Variants in SYNE2 observed in about 807,000 individuals in gnomAD.
SYNE2 encodes spectrin repeat containing nuclear envelope protein 2.
In SYNE2, 431 loss-of-function variants were observed where a neutral mutation model predicts 856.3. The ratio of observed to expected loss-of-function variants is 0.50; its 90% CI spans 0.47 to 0.55. The LOEUF (loss-of-function observed/expected upper bound fraction) is 0.55. SYNE2 is among the 20% of genes least tolerant of loss of function. The probability of loss-of-function intolerance (pLI) is 0.00; values close to 1 mark genes in which losing one functional copy is unlikely to be tolerated. For synonymous variants in SYNE2, 2,923 were observed against 2,872.3 expected (o/e 1.02, Z -0.56); for missense variants, 8,129 against 8,023.2 (o/e 1.01, Z -0.50).
chr14:64,042,897 G>C (rs1393523329), intron 45 of SYNE2, among the ~76,000 whole-genome samples: 1 of 152,206 alleles, frequency 6.6e-6, no homozygotes, highest in East Asian at 1.9e-4. Context: ...TAGGAACTGG[G>C]TAACAGGTAG....
chr14:63,919,652 C>G (rs2095573355), intron 2 of SYNE2, among the ~76,000 whole-genome samples: 1 of 151,962 alleles, frequency 6.6e-6, no homozygotes, highest in South Asian at 2.1e-4. Flanking sequence ...TAGCCAGTGA[C>G]AAGGAAGGAA....
chr14:63,822,450 C>T (rs1191979513), intron 1 of SYNE2, among the ~76,000 whole-genome samples: 1 of 152,122 alleles, frequency 6.6e-6, no homozygotes, highest in Non-Finnish European at 1.5e-5. Flanking sequence ...CTAGCTTTAT[C>T]CCTAGGGCAT....
intron 1 of SYNE2, among the ~76,000 whole-genome samples, chr14:63,782,486 A>AG (rs35627385): frequency 2.0e-5 from 3 of 151,360 alleles, no homozygotes; most frequent in Non-Finnish European, 4.4e-5. Context: ...AAAAAAAAAA[A>AG]AAAGAGTGAC....
At chr14:64,065,315 C>T in intron 50 of SYNE2, 117 bp from the exon 51 acceptor site, 2 of 869,930 alleles carry the variant, frequency 2.3e-6, no homozygotes, top group Non-Finnish European at 3.7e-6. Flanking sequence ...AGAGGTGGAT[C>T]ATGCAATACT....
chr14:64,015,024 T>TAAATATATATGTAC (rs2096880691), intron 32 of SYNE2, among the ~76,000 whole-genome samples: 1 of 144,306 alleles, frequency 6.9e-6, no homozygotes. Flanking sequence ...TATATATGTA[T>TAAATATATATGTAC]ATAAATATAT....
At chr14:63,853,574 C>G (rs953439406) in intron 1 of SYNE2, among the ~76,000 whole-genome samples, 3 of 151,674 alleles carry the variant, frequency 2.0e-5, no homozygotes, top group Non-Finnish European at 1.5e-5. Flanking sequence ...CCTCGCGTCA[C>G]GCCTGGGCGG....
chr14:64,174,836 C>A, intron 94 of SYNE2, 108 bp from the exon 95 acceptor site: 1 of 1,005,238 alleles, frequency 9.9e-7, no homozygotes, highest in Non-Finnish European at 1.5e-6. Context: ...TAATTTATAT[C>A]TAGTTTAACT....
chr14:64,190,654 T>C (rs1424679361), intron 99 of SYNE2: 2 of 701,014 alleles, frequency 2.9e-6, no homozygotes, highest in South Asian at 1.5e-5. Context: ...TGGGGGCCCA[T>C]GACTGCCCCA....
intron 18 of SYNE2, among the ~76,000 whole-genome samples, chr14:63,984,261 G>C (rs1054280983): frequency 6.6e-6 from 1 of 152,134 alleles, no homozygotes; most frequent in African/African-American, 2.4e-5. Flanking sequence ...AGAAAGAAAA[G>C]ATATTGTTGA....
intron 2 of SYNE2, among the ~76,000 whole-genome samples, chr14:63,922,477 C>T (rs977132015): frequency 3.3e-5 from 5 of 152,096 alleles, no homozygotes; most frequent in African/African-American, 7.2e-5. Flanking sequence ...TTCAGCAAGC[C>T]GTCTGAGCCC....
intron 18 of SYNE2, among the ~76,000 whole-genome samples, chr14:63,984,107 T>C (rs944853416): frequency 2.6e-5 from 4 of 151,904 alleles, no homozygotes. Flanking sequence ...GCTGGACGTG[T>C]GTTTGTGCGC....
Position 64,130,483 on chromosome 14 carries a change from T to G in SYNE2, c.14340+235T>G, listed in dbSNP as rs1298038101. Among the ~76,000 whole-genome samples, 6 of 152,270 alleles carry G rather than the reference T, an allele frequency of 3.9e-5. 1 individual carries two copies. Among genetic ancestry groups the G allele is most frequent in the South Asian group, 4.2e-4 (2 of 4,818 alleles). ...TTACATTCACAGAGCTTTCACCTGA[T>G]TGAGAAGATAGATATTTATCAACAA... is the stretch of plus-strand genomic sequence containing the variant. On this transcript the variant is annotated intron_variant, in intron 76 of 115. Transcript: ENST00000555002.
chr14:64,191,170 A>G (rs905562517), intron 99 of SYNE2: 5 of 347,398 alleles, frequency 1.4e-5, no homozygotes, highest in Non-Finnish European at 2.5e-5. Flanking sequence ...AATTAAATTT[A>G]TTATTTAAAT....
chr14:63,778,824 T>C (rs909033976), intron 1 of SYNE2, among the ~76,000 whole-genome samples: 1 of 152,092 alleles, frequency 6.6e-6, no homozygotes, highest in Admixed American at 6.6e-5. Flanking sequence ...CCATTATTAT[T>C]TTTTTGGAAT....
intron 2 of SYNE2, among the ~76,000 whole-genome samples, chr14:63,934,730 G>C (rs1384284621): frequency 6.6e-6 from 1 of 152,018 alleles, no homozygotes; most frequent in Non-Finnish European, 1.5e-5. Flanking sequence ...TGCATACTCT[G>C]TCTCTTGGAC....
chr14:63,814,409 A>G (rs1033801755), intron 1 of SYNE2, among the ~76,000 whole-genome samples: 2 of 146,386 alleles, frequency 1.4e-5, no homozygotes, highest in Non-Finnish European at 3.0e-5. Flanking sequence ...AAACATATCC[A>G]TATATATAAT....
At chr14:64,206,961 G>C (rs2098608240) in intron 100 of SYNE2, among the ~76,000 whole-genome samples, 1 of 152,094 alleles carries the variant, frequency 6.6e-6, no homozygotes, top group Admixed American at 6.5e-5. Flanking sequence ...TCTTAAAACT[G>C]GAATTTTATT....
Position 63,969,257 on chromosome 14 carries a change from A to G in SYNE2, c.1128+1411A>G, listed in dbSNP as rs2096441537. Among the ~76,000 whole-genome samples, 6 of 145,062 alleles carry G rather than the reference A, an allele frequency of 4.1e-5. No individual in the cohort carries two copies. In the South Asian group the frequency reaches 1.3e-3, roughly 31 times the overall value. ...TGATCTCAGCTCATTGCAAACTCTG[A>G]CTCCTGAGTTCAAGAGATTCTTCTG... On this transcript the variant is annotated intron_variant, in intron 11 of 115. Transcript: ENST00000555002.
intron 54 of SYNE2, among the ~76,000 whole-genome samples, chr14:64,076,694 A>G (rs988251527): frequency 3.3e-5 from 5 of 151,870 alleles, no homozygotes; most frequent in African/African-American, 4.8e-5. Context: ...AAGACAGCCC[A>G]TATCAAACAG....
Sources: gnomAD v4.1 joint callset for allele counts (sites outside exome capture counted in the v4.1 genomes callset) on GRCh38, gnomAD v4.1.1 for gene constraint, MANE v1.5 for transcripts, NCBI Gene and HGNC (gene_info 2026-07-23, HGNC 2026-07-21) for gene names.